Variants in SEC31A observed in about 807,000 individuals in gnomAD.
SEC31A encodes the protein SEC31 homolog A, COPII component.
A neutral mutation model predicts 151.0 loss-of-function variants in SEC31A; 70 were observed. The observed-to-expected ratio is 0.46, with a 90% CI of 0.38 to 0.57. The LOEUF is 0.57. SEC31A is among the 20% of genes least tolerant of loss of function. The probability of loss-of-function intolerance (pLI) is 0.00; values close to 1 mark genes in which losing one functional copy is unlikely to be tolerated. For synonymous variants in SEC31A, 475 were observed against 505.9 expected (o/e 0.94, Z 0.82); for missense variants, 1,330 against 1,471.2 (o/e 0.90, Z 1.57).
chr4:82,861,734 G>C, intron 13 of SEC31A, 26 bp from the exon 14 acceptor site: 1 of 1,518,940 alleles, frequency 6.6e-7, no homozygotes, highest in Non-Finnish European at 9.1e-7. Context: ...CAATTACAGG[G>C]GAAGGTGAAG....
At chr4:82,897,008 G>C (rs1034820976) in intron 3 of SEC31A, among the ~76,000 whole-genome samples, 1 of 152,128 alleles carries the variant, frequency 6.6e-6, no homozygotes, top group Non-Finnish European at 1.5e-5. Context: ...CAATCAGAAT[G>C]TTCCTAATTG....
intron 1 of SEC31A, among the ~76,000 whole-genome samples, 178 bp from the exon 2 acceptor site, chr4:82,882,118 C>A (rs1258397651): frequency 1.3e-5 from 2 of 152,132 alleles, no homozygotes; most frequent in Admixed American, 6.6e-5. Context: ...AGAAAGAAGA[C>A]AAACTTGAGG....
At chr4:82,890,313 T>C (rs745846578) in intron 1 of SEC31A, among the ~76,000 whole-genome samples, 1 of 149,016 alleles carries the variant, frequency 6.7e-6, no homozygotes, top group Middle Eastern at 3.6e-3. Flanking sequence ...ATCGATTAAA[T>C]ACAGTTATAA....
At chr4:82,875,205 CCAGTTA>C (rs1480063388) in intron 5 of SEC31A, among the ~76,000 whole-genome samples, 1 of 152,120 alleles carries the variant, frequency 6.6e-6, no homozygotes, top group African/African-American at 2.4e-5. Context: ...AATGTTAGAG[CCAGTTA>C]CAATGGCTAC....
chr4:82,856,739 A>C (rs1171270871), intron 16 of SEC31A, among the ~76,000 whole-genome samples: 1 of 152,122 alleles, frequency 6.6e-6, no homozygotes, highest in Non-Finnish European at 1.5e-5. Context: ...TGACAGAGCA[A>C]GACCCCGTCT....
rs1417297739 is a variant in SEC31A, at chr4:82,836,199, C to T, written c.2968+5941G>A. Among the ~76,000 whole-genome samples, 5 of 151,782 alleles carry T rather than the reference C, an allele frequency of 3.3e-5. No individual in the cohort carries two copies. In the South Asian group the frequency reaches 8.3e-4, roughly 25 times the overall value. ...ACCAGCCTGGCCAATATGGCGAAAC[C>T]CCATCTCTACTAAAAATACAAAAAT... is the stretch of plus-strand genomic sequence containing the variant. On this transcript the variant is annotated intron_variant, in intron 22 of 26. Transcript: ENST00000395310.
intron 22 of SEC31A, chr4:82,830,814 G>A: frequency 4.0e-6 from 1 of 249,618 alleles, no homozygotes; most frequent in Middle Eastern, 1.0e-3. Flanking sequence ...TAAAAAAAAT[G>A]ATCCTGATCA....
intron 8 of SEC31A, among the ~76,000 whole-genome samples, chr4:82,868,571 G>A (rs1735924782): frequency 6.6e-6 from 1 of 152,020 alleles, no homozygotes; most frequent in South Asian, 2.1e-4. Flanking sequence ...CCTTCACAAT[G>A]TAATCCTTGT....
rs58208029 is a variant in SEC31A at position 82,887,388 on chromosome 4, G to GAGAAAAGAAA, written c.-5+3690_-5+3699dup. Among the ~76,000 whole-genome samples the GAGAAAAGAAA allele has an allele frequency of 2.4e-3, 360 of 150,800 alleles. 2 individuals carry two copies. In the Middle Eastern group the frequency reaches 0.024, roughly 10 times the overall value. On this transcript the variant is annotated intron_variant, in intron 1 of 26. Transcript: ENST00000395310. ...GTACTCAATGTTCTAAGAAAACATT[G>GAGAAAAGAAA]AGAAAAGAAAAGAAAAGAAAAGAAA...
At position 82,824,673 on chromosome 4, in the gene SEC31A, T is replaced by C; in HGVS notation, c.3293A>G (p.His1098Arg). 1.2e-6 allele frequency: 2 copies of C among 1,613,820 alleles called. No homozygotes were observed. The highest frequency in any genetic ancestry group is 1.1e-5 in the South Asian group (1 of 90,974). ...PGAPIGNTFQ[H>R]VQSLPTKKIT... ...TTTTTTTGTTGGCAAAGACTGCACA[T>C]GCTGGAAGAAACACACCAAAAACTG... is the stretch of plus-strand genomic sequence containing the variant. Residue 1098 changes from histidine (H) to arginine (R), a missense_variant and splice_region_variant, in exon 25 of 27, where the codon CAT becomes CGT. Transcript: ENST00000395310.
Position 82,880,861 on chromosome 4 carries a change from T to G in SEC31A, c.141A>C (p.Glu47Asp). The G allele has an allele frequency of 6.2e-7, 1 of 1,612,352 alleles. No individual in the cohort carries two copies. Among genetic ancestry groups the G allele is most frequent in the Non-Finnish European group, 8.5e-7 (1 of 1,178,480 alleles). Residue 47 changes from glutamate to aspartate, a missense_variant, in exon 3 of 27, where the codon GAA (glutamate) becomes GAC (aspartate). Coordinates refer to ENST00000395310, the MANE Select transcript of SEC31A (RefSeq NM_001077207.4). ...CCAAGGATGGATCAGAGAGGTCTAA[T>G]TCAAATATCTCAAGGGAAGCATTCG... Reference protein sequence around the residue: ...FSTNASLEIFELDLSDPSLDM... With the variant: ...FSTNASLEIFDLDLSDPSLDM...
upstream of SEC31A, chr4:82,891,338 C>A (rs1367371012): frequency 1.4e-6 from 1 of 703,876 alleles, no homozygotes; most frequent in Non-Finnish European, 2.3e-6. Flanking sequence ...TACGGCTCCG[C>A]TGGTTGGTGG....
chr4:82,850,202 G>T (rs1204189009), intron 19 of SEC31A, among the ~76,000 whole-genome samples: 5 of 151,696 alleles, frequency 3.3e-5, no homozygotes, highest in Admixed American at 3.3e-4. Context: ...ATGAGCTACG[G>T]GTCTTAAAGC....
At chr4:82,891,368 C>G (rs774721413), upstream of SEC31A, 40 of 618,594 alleles carry the variant, frequency 6.5e-5, no homozygotes, top group Admixed American at 4.5e-4. Context: ...GTCATCGCGC[C>G]CCGGCGATCG....
intron 22 of SEC31A, among the ~76,000 whole-genome samples, chr4:82,834,845 T>A (rs1422121925): frequency 6.6e-6 from 1 of 152,164 alleles, no homozygotes; most frequent in East Asian, 1.9e-4. Flanking sequence ...TCAAGGATTT[T>A]ATTTATTTAT....
In SEC31A at chr4:82,863,107, A is replaced by G. The variant is rs568430413; in HGVS notation, c.1509+211T>C. 2.7e-5 allele frequency: 13 copies of G among 475,640 alleles called. No individual in the cohort carries two copies. The South Asian group carries it at 3.7e-4, about 14-fold the overall frequency. The allele number at this position is 475,640 out of a possible 1,614,324, so 29.5% of individuals were successfully genotyped here. A position where few individuals can be genotyped will look rare whatever the true frequency, so the allele number is the denominator to read the frequency against. On this transcript the variant is annotated intron_variant, in intron 12 of 26. Transcript: ENST00000395310. ...ATGATGAAAGGCTAATACAAGTTAC[A>G]TAGTCATTTATCAATATGTATTCAA...
At chr4:82,854,285 C>T (rs943930477) in intron 17 of SEC31A, among the ~76,000 whole-genome samples, 9 of 150,198 alleles carry the variant, frequency 6.0e-5, no homozygotes, top group East Asian at 2.0e-4. Context: ...ATCACTTGAA[C>T]GCAGGGGGTG....
At position 82,819,058 on chromosome 4, in the gene SEC31A, AAG is replaced by A. The variant is rs1372904731; in HGVS notation, c.*14_*15del. 3 of 1,581,278 alleles carry A rather than the reference AAG, an allele frequency of 1.9e-6. No individual in the cohort carries two copies. Among genetic ancestry groups the A allele is most frequent in the Non-Finnish European group, 2.6e-6 (3 of 1,166,474 alleles). On this transcript the variant is annotated 3_prime_UTR_variant, in exon 27 of 27. Transcript: ENST00000395310. ...TTGGAAAAATGGCAATATTGAGTGG[AAG>A]AGAAGCTGTCCTTTTAGACACCCAG...
At chr4:82,829,478 T>C (rs1448395570) in intron 22 of SEC31A, 1 of 152,872 alleles carries the variant, frequency 6.5e-6, no homozygotes, top group Non-Finnish European at 1.4e-5. Context: ...AAAAAGAGAA[T>C]AAAATTAGCA....
Sources: allele counts gnomAD v4.1 joint callset (sites outside exome capture counted in the v4.1 genomes callset), GRCh38; gene constraint gnomAD v4.1.1; transcripts MANE v1.5; gene names NCBI Gene and HGNC (gene_info 2026-07-23, HGNC 2026-07-21).